UBE2W: variants seen among roughly 807,000 people sequenced by gnomAD.
The protein encoded by UBE2W is ubiquitin-conjugating enzyme E2 W.
A neutral mutation model predicts 27.2 loss-of-function variants in UBE2W; 18 were observed. That is an observed-to-expected ratio of 0.66 (90% CI 0.46 to 0.98). UBE2W has a LOEUF of 0.98. Ranked by LOEUF, UBE2W falls within the 50% of genes least tolerant of loss-of-function variation. The pLI is 0.00. For missense variants in UBE2W, 90 were observed against 180.2 expected (o/e 0.50, Z 2.87); for synonymous variants, 53 against 57.2 (o/e 0.93, Z 0.33).
At chr8:73,842,527 T>C (rs1445552116) in intron 1 of UBE2W, among the ~76,000 whole-genome samples, 1 of 10,558 alleles carries the variant, frequency 9.5e-5, no homozygotes, top group African/African-American at 5.0e-4. Flanking sequence ...AGACTCCGTC[T>C]CAAAAAAAAA....
chr8:73,802,434 T>A (rs963800970), intron 5 of UBE2W, among the ~76,000 whole-genome samples: 27 of 152,084 alleles, frequency 1.8e-4, no homozygotes, highest in African/African-American at 6.5e-4. Flanking sequence ...CATTTCAAAA[T>A]TTTTTCAAAC....
In UBE2W at chr8:73,866,283, AAAAAAAAATATATATAT is replaced by A. The variant is rs1202107591; in HGVS notation, c.15+12508_15+12524del. Among the ~76,000 whole-genome samples, 144 of 112,426 alleles carry A rather than the reference AAAAAAAAATATATATAT, an allele frequency of 1.3e-3. 2 individuals are homozygous for A. Among genetic ancestry groups the A allele is most frequent in the African/African-American group, 5.1e-3 (139 of 27,420 alleles). The allele number at this position is 112,426 out of a possible 152,430, so 73.8% of individuals were successfully genotyped here. On this transcript the variant is annotated intron_variant, in intron 1 of 5. Transcript: ENST00000602593. ...AGACTTGGTCTAAAAAAAAAAAAAA[AAAAAAAAATATATATAT>A]ATATATATATATATATATACTCAGC...
At chr8:73,784,302 A>C (rs565146049), downstream of UBE2W, among the ~76,000 whole-genome samples, 2 of 152,250 alleles carry the variant, frequency 1.3e-5, no homozygotes, top group South Asian at 4.1e-4. Flanking sequence ...ACTGTATTTC[A>C]ATTACCTGTC....
intron 1 of UBE2W, among the ~76,000 whole-genome samples, chr8:73,865,547 G>A (rs969133063): frequency 1.3e-5 from 2 of 152,214 alleles, no homozygotes; most frequent in Non-Finnish European, 2.9e-5. Flanking sequence ...AGGAGGCCAA[G>A]GCTGCAGTGA....
intron 3 of UBE2W, among the ~76,000 whole-genome samples, chr8:73,817,250 C>T (rs556118794): frequency 6.6e-6 from 1 of 152,212 alleles, no homozygotes; most frequent in East Asian, 1.9e-4. Context: ...ATCACTTGAA[C>T]CCAGAAGGCG....
In UBE2W at chr8:73,825,153, A is replaced by C. The variant is rs1024337865; in HGVS notation, c.204T>G (p.Ser68=). The change falls in exon 3 of 6, where the codon TCT becomes TCG. Residue 68 remains serine (S), a synonymous_variant. Coordinates refer to ENST00000602593, the MANE Select transcript of UBE2W (RefSeq NM_018299.6). ...FKFSSRYPFD[S]PQVMFTGENI... ...TTTAAAGCAAGGCAATTACCTGAGG[A>C]GAGTCAAAAGGATATCGACTACTAA... The C allele has an allele frequency of 6.5e-7, 1 of 1,546,762 alleles. No individual in the cohort carries two copies. The highest frequency in any genetic ancestry group is 1.4e-5 in the African/African-American group (1 of 72,670).
chr8:73,819,796 C>G (rs1270591358), intron 3 of UBE2W, among the ~76,000 whole-genome samples: 1 of 152,118 alleles, frequency 6.6e-6, no homozygotes, highest in Non-Finnish European at 1.5e-5. Context: ...TAAAATATAA[C>G]TGGCAGGAAG....
Position 73,787,409 on chromosome 8 carries a change from G to C in UBE2W, c.*6693C>G. 7.1e-6 allele frequency: 7 copies of C among 985,402 alleles called. No individual in the cohort carries two copies. The highest frequency in any genetic ancestry group is 1.7e-5 in the African/African-American group (1 of 57,344). The allele number at this position is 985,402 out of a possible 1,614,324, so 61.0% of individuals were successfully genotyped here. On this transcript the variant is annotated 3_prime_UTR_variant, in exon 6 of 6. Transcript: ENST00000602593. ...AAGTCAAATCCTACTATGGAAAGTA[G>C]AAATTAAGGATTATAATAAAGGAAA... is the stretch of plus-strand genomic sequence containing the variant.
chr8:73,845,249 T>C (rs528012386), intron 1 of UBE2W, among the ~76,000 whole-genome samples: 22 of 152,276 alleles, frequency 1.4e-4, no homozygotes, highest in African/African-American at 5.1e-4. Context: ...ATGATGACGA[T>C]GGCGGTTTTG....
Position 73,788,851 on chromosome 8 carries a change from C to A in UBE2W, c.*5251G>T. ...GGATCTCTCCTTTTCCCAGTCAACT[C>A]CTCACTCACCATATTAAAACTGGAG... On this transcript the variant is annotated 3_prime_UTR_variant, in exon 6 of 6. Transcript: ENST00000602593. The A allele has an allele frequency of 1.0e-6, 1 of 985,310 alleles. No individual in the cohort carries two copies. Among genetic ancestry groups the A allele is most frequent in the Non-Finnish European group, 1.2e-6 (1 of 829,918 alleles). 61.0% of individuals were successfully genotyped at this position (985,310 alleles called of 1,614,324 possible).
At chr8:73,868,074 T>C (rs989074730) in intron 1 of UBE2W, among the ~76,000 whole-genome samples, 3 of 152,202 alleles carry the variant, frequency 2.0e-5, no homozygotes, top group Non-Finnish European at 4.4e-5. Context: ...AATATCCTTT[T>C]ATATGTTAAT....
intron 1 of UBE2W, among the ~76,000 whole-genome samples, chr8:73,839,414 T>G (rs575289335): frequency 6.0e-5 from 9 of 150,362 alleles, no homozygotes; most frequent in Admixed American, 2.7e-4. Context: ...CACTTTGAGA[T>G]GCCAAGGTGG....
chr8:73,804,072 TTG>T (rs1313558630), intron 5 of UBE2W, among the ~76,000 whole-genome samples: 1 of 152,104 alleles, frequency 6.6e-6, no homozygotes, highest in East Asian at 1.9e-4. Flanking sequence ...GGCCACTTCT[TTG>T]TGTTTTCTAA....
chr8:73,785,072 T>A (rs1021293014), downstream of UBE2W, among the ~76,000 whole-genome samples: 2 of 152,208 alleles, frequency 1.3e-5, no homozygotes, highest in Non-Finnish European at 2.9e-5. Context: ...TCCTCTCCTG[T>A]CCTAGCATTT....
At chr8:73,850,725 TAAAAAAAAA>T (rs11318665) in intron 1 of UBE2W, among the ~76,000 whole-genome samples, 26 of 63,592 alleles carry the variant, frequency 4.1e-4, no homozygotes, top group Non-Finnish European at 6.5e-4. Context: ...AGCAGGACAT[TAAAAAAAAA>T]AAAAAAAAAA....
At chr8:73,843,480 A>T (rs1586509692) in intron 1 of UBE2W, among the ~76,000 whole-genome samples, 1 of 152,134 alleles carries the variant, frequency 6.6e-6, no homozygotes, top group Non-Finnish European at 1.5e-5. Context: ...AAAAAAATAA[A>T]AAATTTGCCC....
chr8:73,870,643 T>C lies in UBE2W; in HGVS notation c.15+8165A>G, dbSNP rs567836348. Among the ~76,000 whole-genome samples the C allele has an allele frequency of 1.7e-4, 26 of 152,152 alleles. 1 individual carries two copies. The South Asian group carries it at 5.2e-3, about 30-fold the overall frequency. On this transcript the variant is annotated intron_variant, in intron 1 of 5. Transcript: ENST00000602593. ...TCGACATTTACTGAACTCTCCTACA[T>C]GTCAGGCACTAGGTTACATCCAAGA...
intron 5 of UBE2W, among the ~76,000 whole-genome samples, chr8:73,803,711 A>C (rs1338070901): frequency 6.6e-6 from 1 of 150,404 alleles, no homozygotes; most frequent in African/African-American, 2.4e-5. Flanking sequence ...TATTACCCCA[A>C]ATTTTCACAT....
At chr8:73,835,438 A>G (rs1401690970) in intron 1 of UBE2W, among the ~76,000 whole-genome samples, 2 of 152,112 alleles carry the variant, frequency 1.3e-5, no homozygotes, top group Non-Finnish European at 2.9e-5. Flanking sequence ...AGATTAGATT[A>G]TTTTAAAAAC....
Sources: gnomAD v4.1 joint callset for allele counts (sites outside exome capture counted in the v4.1 genomes callset) on GRCh38, gnomAD v4.1.1 for gene constraint, MANE v1.5 for transcripts, NCBI Gene and HGNC (gene_info 2026-07-23, HGNC 2026-07-21) for gene names.